The following PCDH11X variants were observed in gnomAD, a reference collection of about 807,000 sequenced individuals.
The protein encoded by PCDH11X is protocadherin 11 X-linked.
A neutral mutation model predicts 53.3 loss-of-function variants in PCDH11X; 18 were observed. That is an observed-to-expected ratio of 0.34 (90% CI 0.23 to 0.50). The LOEUF (loss-of-function observed/expected upper bound fraction) is 0.50. PCDH11X is among the 20% of genes least tolerant of loss of function. The probability of loss-of-function intolerance (pLI) is 0.98; values close to 1 mark genes in which losing one functional copy is unlikely to be tolerated. For missense variants in PCDH11X, 570 were observed against 1,032.4 expected (o/e 0.55, Z 6.14); for synonymous variants, 279 against 393.3 (o/e 0.71, Z 3.44).
At chrX:92,240,535 G>A (rs1458259322) in intron 7 of PCDH11X, among the ~76,000 whole-genome samples, 1 of 111,592 alleles carries the variant, frequency 9.0e-6, no homozygotes, top group Non-Finnish European at 1.9e-5. Context: ...ACAAAGTACA[G>A]GGGGTTATAC....
chrX:92,228,117 TG>T (rs1331500894), intron 7 of PCDH11X, among the ~76,000 whole-genome samples: 5 of 111,611 alleles, frequency 4.5e-5, no homozygotes, highest in Non-Finnish European at 9.4e-5. Flanking sequence ...AGCCAAAACA[TG>T]TTGATCTGCA....
At chrX:92,518,729 A>G (rs1331917943) in intron 10 of PCDH11X, among the ~76,000 whole-genome samples, 2 of 106,364 alleles carry the variant, frequency 1.9e-5, no homozygotes, top group Non-Finnish European at 3.9e-5. Flanking sequence ...GGGAACATTC[A>G]CTATGGCTTA....
At chrX:91,970,167 C>G in intron 6 of PCDH11X, among the ~76,000 whole-genome samples, 1 of 111,049 alleles carries the variant, frequency 9.0e-6, no homozygotes, top group African/African-American at 3.3e-5. Context: ...TGTTACAGCT[C>G]TTTAAGGCAG....
At chrX:92,303,710 G>A (rs2068768305) in intron 8 of PCDH11X, among the ~76,000 whole-genome samples, 1 of 111,567 alleles carries the variant, frequency 9.0e-6, no homozygotes, top group African/African-American at 3.3e-5. Flanking sequence ...ATATGAAATT[G>A]AACATCCCAT....
chrX:92,312,295 A>G (rs1052084722), intron 8 of PCDH11X, among the ~76,000 whole-genome samples: 11 of 111,667 alleles, frequency 9.9e-5, no homozygotes, highest in African/African-American at 3.6e-4. Context: ...GCAAAATAGG[A>G]AATTTGAGAG....
intron 10 of PCDH11X, among the ~76,000 whole-genome samples, chrX:92,543,201 T>C (rs1489124977): frequency 2.0e-5 from 2 of 101,654 alleles, no homozygotes; most frequent in Non-Finnish European, 4.0e-5. Context: ...ATAATAATAT[T>C]GTCCTTTAAA....
At chrX:92,339,982 T>A (rs1173150299) in intron 8 of PCDH11X, among the ~76,000 whole-genome samples, 1 of 111,324 alleles carries the variant, frequency 9.0e-6, no homozygotes, top group African/African-American at 3.3e-5. Flanking sequence ...TCCTGTAAAA[T>A]CAAGCAAGTT....
At chrX:92,105,852 C>A (rs2064373288) in intron 6 of PCDH11X, among the ~76,000 whole-genome samples, 1 of 111,530 alleles carries the variant, frequency 9.0e-6, no homozygotes, top group Admixed American at 9.5e-5. Context: ...TTAGTTCAGG[C>A]CATCCGGGCA....
intron 1 of PCDH11X, among the ~76,000 whole-genome samples, chrX:91,805,687 A>G (rs1252478645): frequency 1.9e-5 from 2 of 107,668 alleles, no homozygotes; most frequent in East Asian, 5.9e-4. Flanking sequence ...AGCTCCTCAC[A>G]GTGACACGTG....
At chrX:91,988,048 A>G (rs1020126127) in intron 6 of PCDH11X, among the ~76,000 whole-genome samples, 2 of 110,970 alleles carry the variant, frequency 1.8e-5, no homozygotes, top group Admixed American at 9.6e-5. Context: ...AAAATTTAAA[A>G]CCAGAGAAAA....
chrX:92,064,944 G>A (rs1460847752), intron 6 of PCDH11X, among the ~76,000 whole-genome samples: 1 of 104,778 alleles, frequency 9.5e-6, no homozygotes, highest in Non-Finnish European at 1.9e-5. Flanking sequence ...GACATTGGGG[G>A]TGCACTCCAG....
chrX:91,972,073 A>C (rs1323174384), intron 6 of PCDH11X, among the ~76,000 whole-genome samples: 7 of 109,009 alleles, frequency 6.4e-5, no homozygotes, highest in Non-Finnish European at 1.3e-4. Flanking sequence ...AACAGTGTAA[A>C]AGTGTTCCTA....
At chrX:92,525,308 G>A (rs1476710766) in intron 10 of PCDH11X, among the ~76,000 whole-genome samples, 1 of 111,258 alleles carries the variant, frequency 9.0e-6, no homozygotes, top group South Asian at 3.7e-4. Flanking sequence ...AAGTGATACT[G>A]CATGAAATTA....
intron 10 of PCDH11X, among the ~76,000 whole-genome samples, chrX:92,584,245 A>G (rs1924083203): frequency 9.0e-6 from 1 of 110,512 alleles, no homozygotes; most frequent in Admixed American, 9.6e-5. Context: ...TGCAAAATAA[A>G]CCCAAAGCAA....
intron 6 of PCDH11X, among the ~76,000 whole-genome samples, chrX:92,014,284 A>C (rs2062749382): frequency 8.9e-6 from 1 of 112,336 alleles, no homozygotes; most frequent in South Asian, 3.7e-4. Flanking sequence ...ACATGAAAAA[A>C]TGCTCATCAT....
At chrX:92,244,971 G>A (rs948777056) in intron 7 of PCDH11X, among the ~76,000 whole-genome samples, 3 of 112,117 alleles carry the variant, frequency 2.7e-5, no homozygotes, top group African/African-American at 9.7e-5. Context: ...GAGCTCTGGT[G>A]CGAATAAACT....
chrX:92,100,443 C>T (rs1360369698), intron 6 of PCDH11X, among the ~76,000 whole-genome samples: 2 of 107,601 alleles, frequency 1.9e-5, no homozygotes, highest in Admixed American at 1.0e-4. Flanking sequence ...GAGTGGGGGT[C>T]GCAAGGTGCT....
At chrX:92,580,650 C>T (rs1424250962) in intron 10 of PCDH11X, among the ~76,000 whole-genome samples, 3 of 111,331 alleles carry the variant, frequency 2.7e-5, no homozygotes, top group Non-Finnish European at 5.7e-5. Context: ...CCCCTGGGAT[C>T]TCAGTCATTT....
At chrX:92,147,855 T>TTTCTCTTTCTTTCTTTC (rs1569388358) in intron 6 of PCDH11X, among the ~76,000 whole-genome samples, 7 of 22,356 alleles carry the variant, frequency 3.1e-4, no homozygotes, top group African/African-American at 5.5e-4. Flanking sequence ...TTCTTTCTTT[T>TTTCTCTTTCTTTCTTTC]TTCTTTTCTC....
Sources: gnomAD v4.1 joint callset for allele counts (sites outside exome capture counted in the v4.1 genomes callset) on GRCh38, gnomAD v4.1.1 for gene constraint, MANE v1.5 for transcripts, NCBI Gene and HGNC (gene_info 2026-07-23, HGNC 2026-07-21) for gene names.